DNAH12: variants seen among roughly 807,000 people sequenced by gnomAD.
DNAH12 encodes the protein dynein axonemal heavy chain 12, also known as axonemal beta dynein heavy chain 12.
In DNAH12, 285 loss-of-function variants were observed where a neutral mutation model predicts 371.5. That is an observed-to-expected ratio of 0.77 (90% CI 0.70 to 0.85). The LOEUF is 0.85. Among genes scored for constraint, DNAH12 ranks in the 40% least tolerant of loss-of-function variants. DNAH12 has a pLI of 0.00. For synonymous variants in DNAH12, 1,200 were observed against 1,213.0 expected (o/e 0.99, Z 0.22); for missense variants, 3,611 against 3,689.4 (o/e 0.98, Z 0.55).
chr3:57,371,710 C>G (rs1376715827), intron 55 of DNAH12, among the ~76,000 whole-genome samples: 1 of 150,884 alleles, frequency 6.6e-6, no homozygotes, highest in Non-Finnish European at 1.5e-5. Flanking sequence ...TGCATACACA[C>G]CTGGACACAT....
intron 8 of DNAH12, among the ~76,000 whole-genome samples, chr3:57,507,383 A>G (rs1266872205): frequency 1.3e-5 from 2 of 152,182 alleles, no homozygotes; most frequent in Admixed American, 6.5e-5. Flanking sequence ...TACTCCAAAT[A>G]AAGCTATAAT....
chr3:57,301,714 AC>A lies in DNAH12; in HGVS notation c.11394+20del. On this transcript the variant is annotated intron_variant, in intron 70 of 73. Coordinates refer to ENST00000495027, the MANE Select transcript of DNAH12 (RefSeq NM_001366028.2). ...CACACACACACACACACACACACAC[AC>A]ACACACACACACATTTTACCTGTAA... 11 of 1,505,536 alleles carry A rather than the reference AC, an allele frequency of 7.3e-6. No individual in the cohort carries two copies. Among genetic ancestry groups the A allele is most frequent in the African/African-American group, 1.4e-5 (1 of 71,060 alleles). The allele number at this position is 1,505,536 out of a possible 1,614,324, so 93.3% of individuals were successfully genotyped here.
At chr3:57,339,847 A>G (rs1304823204) in intron 60 of DNAH12, among the ~76,000 whole-genome samples, 4 of 152,184 alleles carry the variant, frequency 2.6e-5, no homozygotes, top group African/African-American at 9.7e-5. Flanking sequence ...AGGCAGGCAG[A>G]TTGCTTGAGT....
chr3:57,334,630 AATT>A, intron 61 of DNAH12, 21 bp from the exon 62 acceptor site: 1 of 1,526,176 alleles, frequency 6.6e-7, no homozygotes, highest in Non-Finnish European at 8.8e-7. Context: ...AAAGCTTAAG[AATT>A]ATTCTTTTTA....
intron 65 of DNAH12, among the ~76,000 whole-genome samples, chr3:57,317,692 G>C (rs1447615901): frequency 6.6e-6 from 1 of 152,066 alleles, no homozygotes; most frequent in East Asian, 1.9e-4. Flanking sequence ...TGGATACTCA[G>C]AAGTGAGACT....
intron 66 of DNAH12, among the ~76,000 whole-genome samples, chr3:57,311,273 C>T (rs1209652596): frequency 4.6e-5 from 7 of 152,162 alleles, no homozygotes; most frequent in African/African-American, 1.7e-4. Context: ...GACAGGGTTT[C>T]ACCATGTTGG....
intron 62 of DNAH12, 108 bp from the exon 63 acceptor site, chr3:57,323,727 A>G (rs1384277519): frequency 8.6e-7 from 1 of 1,158,184 alleles, no homozygotes. Context: ...AATGGTCAAA[A>G]AAAGCATATA....
At chr3:57,302,567 ATTTTT>A (rs71088056) in intron 69 of DNAH12, among the ~76,000 whole-genome samples, 4 of 27,484 alleles carry the variant, frequency 1.5e-4, no homozygotes, top group Non-Finnish European at 1.9e-4. Flanking sequence ...ATATATATGT[ATTTTT>A]TTTTTTTTTT....
At chr3:57,326,840 G>T (rs1559556217) in intron 62 of DNAH12, among the ~76,000 whole-genome samples, 1 of 152,084 alleles carries the variant, frequency 6.6e-6, no homozygotes. Context: ...ACACACATAG[G>T]CTCAAAATAA....
At chr3:57,404,747 C>A (rs1553680432) in intron 42 of DNAH12, among the ~76,000 whole-genome samples, 1 of 151,984 alleles carries the variant, frequency 6.6e-6, no homozygotes, top group East Asian at 1.9e-4. Context: ...AAAAGAAACA[C>A]AAGTTTCTTT....
chr3:57,474,570 T>C lies in DNAH12; in HGVS notation c.1651-1899A>G, dbSNP rs868172007. Among the ~76,000 whole-genome samples the C allele has an allele frequency of 7.2e-5, 11 of 152,310 alleles. No individual in the cohort carries two copies. The South Asian group carries it at 2.3e-3, about 32-fold the overall frequency. ...GTCGGCCTCCCACAGTGCTGGGATTTTAGGCATGAGCCACTGTGCAGGGCC... is the reference window on the plus strand; with the variant it reads ...GTCGGCCTCCCACAGTGCTGGGATTCTAGGCATGAGCCACTGTGCAGGGCC... On this transcript the variant is annotated intron_variant, in intron 13 of 73. Coordinates refer to ENST00000495027, the MANE Select transcript of DNAH12 (RefSeq NM_001366028.2).
intron 13 of DNAH12, among the ~76,000 whole-genome samples, chr3:57,476,970 A>G (rs2066549870): frequency 6.6e-6 from 1 of 152,236 alleles, no homozygotes; most frequent in Non-Finnish European, 1.5e-5. Context: ...AAATGGGAAC[A>G]GCTCCAGTCT....
intron 59 of DNAH12, among the ~76,000 whole-genome samples, chr3:57,356,910 T>C (rs973575833): frequency 6.6e-6 from 1 of 151,808 alleles, no homozygotes; most frequent in Non-Finnish European, 1.5e-5. Flanking sequence ...GCCTGGCTAA[T>C]TTTTGTATTT....
intron 8 of DNAH12, among the ~76,000 whole-genome samples, chr3:57,505,553 G>A (rs2067724880): frequency 6.6e-6 from 1 of 151,608 alleles, no homozygotes; most frequent in Non-Finnish European, 1.5e-5. Flanking sequence ...CAATTCTCCT[G>A]CCTCAGCCCC....
intron 35 of DNAH12, among the ~76,000 whole-genome samples, chr3:57,424,014 C>T (rs755719259): frequency 9.9e-5 from 15 of 152,012 alleles, no homozygotes; most frequent in Non-Finnish European, 5.9e-5. Context: ...TTTGGGATTA[C>T]AGGCATGAGC....
At chr3:57,533,206 T>C (rs1302618615) in intron 2 of DNAH12, among the ~76,000 whole-genome samples, 2 of 147,958 alleles carry the variant, frequency 1.4e-5, no homozygotes, top group African/African-American at 5.0e-5. Flanking sequence ...GAATGCTGCG[T>C]GGCCTGGGAC....
chr3:57,496,743 C>T (rs1265423971), intron 11 of DNAH12, among the ~76,000 whole-genome samples: 3 of 152,088 alleles, frequency 2.0e-5, no homozygotes, highest in African/African-American at 4.8e-5. Context: ...CCAAGGTGGG[C>T]GGATCACCTG....
chr3:57,482,922 T>G (rs1207339358), intron 13 of DNAH12, among the ~76,000 whole-genome samples: 2 of 50,628 alleles, frequency 4.0e-5, no homozygotes, highest in South Asian at 7.8e-4. Context: ...GGGACTGTTG[T>G]GGGGTGGGGG....
chr3:57,508,578 T>A (rs2067864251), intron 6 of DNAH12, 38 bp from the exon 7 acceptor site: 1 of 1,583,072 alleles, frequency 6.3e-7, no homozygotes. Flanking sequence ...ATGATGAAAA[T>A]AATACACCCT....
Sources: gnomAD v4.1 joint callset for allele counts (sites outside exome capture counted in the v4.1 genomes callset) on GRCh38, gnomAD v4.1.1 for gene constraint, MANE v1.5 for transcripts, NCBI Gene and HGNC (gene_info 2026-07-23, HGNC 2026-07-21) for gene names.